Variants in CUX1 observed in about 807,000 individuals in gnomAD.
CUX1 encodes the protein protein CASP.
A neutral mutation model predicts 158.8 loss-of-function variants in CUX1; 31 were observed. The observed-to-expected ratio is 0.20, with a 90% confidence interval of 0.15 to 0.26. The LOEUF (loss-of-function observed/expected upper bound fraction) is 0.26. CUX1 is among the 10% of genes least tolerant of loss of function. CUX1 has a pLI of 1.00. For missense variants in CUX1, 1,589 were observed against 2,014.6 expected, an observed-to-expected ratio of 0.79 and a Z score of 4.04; for synonymous variants, 879 against 862.1, an observed-to-expected ratio of 1.02 and a Z score of -0.34.
Position 102,137,085 on chromosome 7 carries a change from T to G in CUX1, c.675-21475T>G, listed in dbSNP as rs1833984876. Among the ~76,000 whole-genome samples the G allele has an allele frequency of 1.3e-5, 2 of 152,216 alleles. 1 individual carries two copies. The highest frequency in any genetic ancestry group is 4.1e-4 in the South Asian group (2 of 4,834). On this transcript the variant is annotated intron_variant, in intron 8 of 23. Coordinates refer to ENST00000292535, the MANE Select transcript of CUX1 (RefSeq NM_181552.4). The stretch of plus-strand genomic sequence containing the variant: ...TGCACCCTGTGTGACACTCAGAACT[T>G]CTGATCCTCTTCTTTCATTCCTGTG...
chr7:102,030,689 G>GTGTTTTTTTTT (rs772068053), intron 3 of CUX1, among the ~76,000 whole-genome samples: 3 of 82,540 alleles, frequency 3.6e-5, no homozygotes, highest in African/African-American at 1.1e-4. Flanking sequence ...ATTTTAAAAA[G>GTGTTTTTTTTT]TGTTTTTTTT....
intron 8 of CUX1, among the ~76,000 whole-genome samples, chr7:102,138,620 A>G (rs1482522197): frequency 6.6e-6 from 1 of 152,196 alleles, no homozygotes; most frequent in African/African-American, 2.4e-5. Context: ...AGCAAATTAT[A>G]CTTCATTATA....
chr7:101,831,772 C>T (rs924023559), intron 1 of CUX1, among the ~76,000 whole-genome samples: 1 of 121,442 alleles, frequency 8.2e-6, no homozygotes, highest in South Asian at 2.6e-4. Context: ...GACAGAGTCT[C>T]GCTCTGTCGC....
Position 102,248,829 on chromosome 7 carries a change from G to A in CUX1, c.4305G>A (p.Pro1435=), listed in dbSNP as rs782075240. The change falls in exon 24 of 24, where the codon CCG becomes CCA. Residue 1435 remains proline, a synonymous_variant. Coordinates refer to ENST00000292535, the MANE Select transcript of CUX1 (RefSeq NM_181552.4). The surrounding 1 kb of genome is among the most constrained non-coding windows in gnomAD (Gnocchi z 5.8). ...CGCCGGGGGAGGGCCCCGCGGCCCC[G>A]AGCTCCGCGCCGCCGCCCAGCAACA... ...AAAPGEGPAA[P]SSAPPPSNSS... 2 of 1,184,000 alleles carry A rather than the reference G, an allele frequency of 1.7e-6. No individual in the cohort carries two copies. Among genetic ancestry groups the A allele is most frequent in the Non-Finnish European group, 2.1e-6 (2 of 953,824 alleles). 73.3% of individuals were successfully genotyped at this position (1,184,000 alleles called of 1,614,324 possible).
chr7:102,057,805 A>C (rs1204807900), intron 3 of CUX1, among the ~76,000 whole-genome samples: 1 of 152,218 alleles, frequency 6.6e-6, no homozygotes, highest in Non-Finnish European at 1.5e-5. Flanking sequence ...CAAAGGATTT[A>C]GAATATTCCA....
intron 1 of CUX1, among the ~76,000 whole-genome samples, chr7:101,873,172 C>T (rs1353049929): frequency 1.4e-5 from 2 of 145,886 alleles, no homozygotes; most frequent in African/African-American, 5.0e-5. Flanking sequence ...CGCCTGGCCT[C>T]AGCTTCTTTT....
chr7:102,219,055 A>ACACACACACACACACACACACACAC (rs1797534201), intron 20 of CUX1, among the ~76,000 whole-genome samples: 1 of 126,248 alleles, frequency 7.9e-6, no homozygotes, highest in Non-Finnish European at 1.6e-5. Context: ...CCTGCCTCAA[A>ACACACACACACACACACACACACAC]ACACACACAC....
In CUX1 at chr7:102,249,719, T is replaced by A. The variant is rs1253664955; in HGVS notation, c.*677T>A. 1.0e-6 allele frequency: 1 copy of A among 985,482 alleles called. No homozygotes were observed. Among genetic ancestry groups the A allele is most frequent in the Non-Finnish European group, 1.2e-6 (1 of 829,828 alleles). 61.0% of individuals were successfully genotyped at this position (985,482 alleles called of 1,614,324 possible). On this transcript the variant is annotated 3_prime_UTR_variant, in exon 24 of 24. Transcript: ENST00000292535. ...TTTCAGAAAAATTAAAAAAGAAAGT[T>A]TTTGTAGCTGTTCAGTTGCCACTAA...
chr7:102,274,325 G>T, intron 16 of CUX1: 1 of 1,608,774 alleles, frequency 6.2e-7, no homozygotes, highest in South Asian at 1.1e-5. Flanking sequence ...GGAGAGGCCT[G>T]ACCCATGGGA....
chr7:101,816,515 C>CGGCGGGG (rs1239617911), upstream of CUX1, among the ~76,000 whole-genome samples: 3 of 139,530 alleles, frequency 2.2e-5, no homozygotes, highest in Non-Finnish European at 3.2e-5. Context: ...GGGGAGCGGG[C>CGGCGGGG]GGCGGGGGGC....
At chr7:102,170,314 G>A in intron 9 of CUX1, 132 bp from the exon 10 acceptor site, 4 of 635,966 alleles carry the variant, frequency 6.3e-6, no homozygotes, top group Non-Finnish European at 1.1e-5. Flanking sequence ...TTTTTTCCTA[G>A]CATTTATTAG....
chr7:101,856,539 G>A (rs1395948659), intron 1 of CUX1, among the ~76,000 whole-genome samples: 1 of 152,172 alleles, frequency 6.6e-6, no homozygotes, highest in Admixed American at 6.5e-5. Flanking sequence ...AGCGTGTCAT[G>A]CGTTCCCCAG....
chr7:102,080,339 A>G (rs576518281), intron 4 of CUX1, among the ~76,000 whole-genome samples: 1 of 152,292 alleles, frequency 6.6e-6, no homozygotes, highest in Non-Finnish European at 1.5e-5. Flanking sequence ...TCAGTCGCTC[A>G]TCAGCATGCT....
chr7:101,829,394 G>A (rs1051146303), intron 1 of CUX1, among the ~76,000 whole-genome samples: 3 of 152,082 alleles, frequency 2.0e-5, no homozygotes, highest in South Asian at 2.1e-4. Context: ...AACAGATGGC[G>A]GACGGACACG....
chr7:101,870,124 T>C (rs10245008), intron 1 of CUX1, among the ~76,000 whole-genome samples: 57,490 of 148,042 alleles, frequency 0.39, 12,439 homozygotes, highest in East Asian at 0.88. Context: ...TGTGAGGCCA[T>C]GCAGGCCCTG....
At chr7:101,929,769 G>A (rs985624220) in intron 2 of CUX1, among the ~76,000 whole-genome samples, 19 of 152,054 alleles carry the variant, frequency 1.2e-4, no homozygotes, top group Admixed American at 3.9e-4. Flanking sequence ...GGATTTTCCC[G>A]GGCAGACAGA....
chr7:102,198,933 G>A, intron 16 of CUX1, 66 bp downstream of exon 16: 1 of 1,436,456 alleles, frequency 7.0e-7, no homozygotes, highest in Non-Finnish European at 9.8e-7. Flanking sequence ...CCTTAGCTGT[G>A]TATTTGGGTT....
Position 102,251,229 on chromosome 7 carries a change from T to C in CUX1, c.*2187T>C, listed in dbSNP as rs1801473392. The stretch of plus-strand genomic sequence containing the variant: ...CATTATTTCTTAAGTTTAATTAATA[T>C]TACTTTTTTTTTTATTTGGGGGGTG... On this transcript the variant is annotated 3_prime_UTR_variant, in exon 24 of 24. Coordinates refer to ENST00000292535, the MANE Select transcript of CUX1 (RefSeq NM_181552.4). The C allele has an allele frequency of 2.0e-6, 2 of 981,388 alleles. No homozygotes were observed. Among genetic ancestry groups the C allele is most frequent in the Middle Eastern group, 5.2e-4 (1 of 1,930 alleles). 60.8% of individuals were successfully genotyped at this position (981,388 alleles called of 1,614,324 possible). A position where few individuals can be genotyped will look rare whatever the true frequency, so the allele number is the denominator to read the frequency against.
intron 2 of CUX1, among the ~76,000 whole-genome samples, chr7:102,017,508 T>C (rs1217593133): frequency 6.6e-6 from 1 of 152,168 alleles, no homozygotes; most frequent in African/African-American, 2.4e-5. Context: ...GACTGTCTCA[T>C]TCACTGCTCG....
Sources: allele counts gnomAD v4.1 joint callset (sites outside exome capture counted in the v4.1 genomes callset), GRCh38; gene constraint gnomAD v4.1.1; non-coding constraint Gnocchi (gnomAD v3.1); transcripts MANE v1.5; gene names NCBI Gene and HGNC (gene_info 2026-07-23, HGNC 2026-07-21).